Variants in CACNA1E observed in about 807,000 individuals in gnomAD.
CACNA1E encodes calcium voltage-gated channel subunit alpha1 E.
Under a neutral mutation model 259.2 loss-of-function variants are expected in CACNA1E, and 40 were observed. That is an observed-to-expected ratio of 0.15 (90% CI 0.12 to 0.20). CACNA1E has a LOEUF of 0.20. Among genes scored for constraint, CACNA1E ranks in the 10% least tolerant of loss-of-function variants. The pLI is 1.00. For synonymous variants in CACNA1E, 1,104 were observed against 1,138.5 expected (o/e 0.97, Z 0.61); for missense variants, 1,874 against 3,040.1 (o/e 0.62, Z 9.02).
In CACNA1E at chr1:181,712,001, G is replaced by A. The variant is rs148896297; in HGVS notation, c.1171+932G>A. Among the ~76,000 whole-genome samples, 1,027 of 152,278 alleles carry A rather than the reference G, an allele frequency of 6.7e-3. 15 individuals carry two copies. The highest frequency in any genetic ancestry group is 0.023 in the African/African-American group (966 of 41,546). On this transcript the variant is annotated intron_variant, in intron 8 of 47. Coordinates refer to ENST00000367573, the MANE Select transcript of CACNA1E (RefSeq NM_001205293.3). ...TGGAAGCAGAGGGACTAGTAGTGCC[G>A]CCATCTAGGGAGGAGATAATGGTGA...
At chr1:181,502,567 C>T (rs1665345468) in intron 1 of CACNA1E, among the ~76,000 whole-genome samples, 1 of 152,192 alleles carries the variant, frequency 6.6e-6, no homozygotes, top group Non-Finnish European at 1.5e-5. Flanking sequence ...CATTAGAAAG[C>T]CCTCTTGGCT....
At chr1:181,545,299 A>G (rs558410863) in intron 3 of CACNA1E, among the ~76,000 whole-genome samples, 1 of 152,350 alleles carries the variant, frequency 6.6e-6, no homozygotes, top group South Asian at 2.1e-4. Flanking sequence ...TGTTACATAT[A>G]ATACCATGTT....
chr1:181,793,820 C>G lies in CACNA1E; in HGVS notation c.6027+27C>G, dbSNP rs137964585. 4,001 of 1,606,456 alleles carry G rather than the reference C, an allele frequency of 2.5e-3. 12 individuals carry two copies. Among genetic ancestry groups the G allele is most frequent in the Admixed American group, 4.1e-3 (241 of 59,054 alleles). ...TAAAAAGCAACCACCTACATTAATGCAGTGGCATCCGGGCTGTATTAGCTG... is the reference window on the plus strand; with the variant it reads ...TAAAAAGCAACCACCTACATTAATGGAGTGGCATCCGGGCTGTATTAGCTG... On this transcript the variant is annotated intron_variant, in intron 45 of 47. Transcript: ENST00000367573.
intron 6 of CACNA1E, among the ~76,000 whole-genome samples, chr1:181,616,150 A>G (rs936995608): frequency 6.6e-6 from 1 of 152,164 alleles, no homozygotes; most frequent in Non-Finnish European, 1.5e-5. Flanking sequence ...AAACTGGCCT[A>G]TAATTTGCTT....
chr1:181,470,881 G>A (rs1470546013), intron 2 of CACNA1E, among the ~76,000 whole-genome samples: 1 of 152,084 alleles, frequency 6.6e-6, no homozygotes, highest in Non-Finnish European at 1.5e-5. Context: ...TTCTCCTTCA[G>A]CTTGTCTCTT....
intron 1 of CACNA1E, among the ~76,000 whole-genome samples, chr1:181,491,057 T>C (rs1218703933): frequency 6.6e-6 from 1 of 152,220 alleles, no homozygotes. Context: ...TGCCTCTTTC[T>C]CAATTTCCAC....
At chr1:181,376,272 G>A (rs1227654753) in intron 1 of CACNA1E, among the ~76,000 whole-genome samples, 4 of 152,018 alleles carry the variant, frequency 2.6e-5, no homozygotes, top group African/African-American at 9.7e-5. Context: ...CTTTTTTGTT[G>A]TTGTTTGCCT....
intron 3 of CACNA1E, among the ~76,000 whole-genome samples, chr1:181,548,660 A>G (rs982292876): frequency 3.3e-5 from 5 of 152,234 alleles, no homozygotes; most frequent in African/African-American, 1.2e-4. Flanking sequence ...TGGTTTATCT[A>G]CACAGCCCAG....
intron 7 of CACNA1E, among the ~76,000 whole-genome samples, chr1:181,656,734 A>G (rs1425010763): frequency 6.6e-6 from 1 of 152,212 alleles, no homozygotes; most frequent in African/African-American, 2.4e-5. Context: ...AGCTCCATTC[A>G]TGGTAAGTGC....
chr1:181,657,669 G>T (rs1659316468), intron 7 of CACNA1E, among the ~76,000 whole-genome samples: 1 of 152,240 alleles, frequency 6.6e-6, no homozygotes, highest in Non-Finnish European at 1.5e-5. Context: ...GTGGGGGAAG[G>T]ATTGGCATGG....
At chr1:181,602,531 G>A (rs1653844022) in intron 6 of CACNA1E, among the ~76,000 whole-genome samples, 1 of 152,186 alleles carries the variant, frequency 6.6e-6, no homozygotes, top group East Asian at 1.9e-4. Flanking sequence ...TGCTCAACCT[G>A]TATTTAATAA....
intron 1 of CACNA1E, among the ~76,000 whole-genome samples, chr1:181,494,461 G>T (rs528179666): frequency 1.3e-5 from 2 of 151,886 alleles, no homozygotes; most frequent in Non-Finnish European, 2.9e-5. Flanking sequence ...TTTGAATCTA[G>T]ATTCAGGACT....
intron 7 of CACNA1E, among the ~76,000 whole-genome samples, chr1:181,691,087 C>T (rs61653607): frequency 0.011 from 1,641 of 152,042 alleles, 29 homozygotes; most frequent in African/African-American, 0.037. Flanking sequence ...TGTCTCTTCT[C>T]ATTTTATGAA....
chr1:181,517,521 ACT>A (rs1403032360), intron 3 of CACNA1E, among the ~76,000 whole-genome samples: 1 of 151,732 alleles, frequency 6.6e-6, no homozygotes, highest in East Asian at 1.9e-4. Flanking sequence ...CCTGGAATCA[ACT>A]CTGAGGAAAG....
chr1:181,795,137 G>A (rs1661682036), intron 46 of CACNA1E, 93 bp downstream of exon 46: 1 of 1,060,462 alleles, frequency 9.4e-7, no homozygotes, highest in East Asian at 2.5e-5. Context: ...AACCAGAAAA[G>A]AATTCAGAGA....
At chr1:181,703,842 C>G (rs561618602) in intron 7 of CACNA1E, among the ~76,000 whole-genome samples, 11 of 148,786 alleles carry the variant, frequency 7.4e-5, no homozygotes, top group Non-Finnish European at 1.4e-4. Flanking sequence ...TCAGGTTCCC[C>G]TCGCCTGATA....
rs1253463902 is a variant in CACNA1E at position 181,801,482 on chromosome 1, AC to A, written c.*2650del. On this transcript the variant is annotated 3_prime_UTR_variant, in exon 48 of 48. Transcript: ENST00000367573. Reference sequence around the variant, plus strand: ...TATTACCAGTGAATTTCTTTTATTCACCTTCCCTTGACCAAGAAATTGGGTT... The same window carrying A: ...TATTACCAGTGAATTTCTTTTATTCACTTCCCTTGACCAAGAAATTGGGTT... The A allele has an allele frequency of 6.6e-6, 1 of 152,128 alleles. No homozygotes were observed. The highest frequency in any genetic ancestry group is 1.5e-5 in the Non-Finnish European group (1 of 68,024). The allele number at this position is 152,128 out of a possible 1,614,324, so 9.4% of individuals were successfully genotyped here. A position where few individuals can be genotyped will look rare whatever the true frequency, so the allele number is the denominator to read the frequency against.
intron 2 of CACNA1E, among the ~76,000 whole-genome samples, chr1:181,430,348 G>T (rs1659627338): frequency 6.6e-6 from 1 of 152,236 alleles, no homozygotes; most frequent in Non-Finnish European, 1.5e-5. Flanking sequence ...AAAGAGGGTT[G>T]CCTTTTTACA....
At chr1:181,403,635 A>C (rs1018382830) in intron 1 of CACNA1E, among the ~76,000 whole-genome samples, 3 of 152,200 alleles carry the variant, frequency 2.0e-5, no homozygotes, top group Non-Finnish European at 4.4e-5. Context: ...TGTGATCAGA[A>C]CAATTAAATG....
Sources: gnomAD v4.1 joint callset for allele counts (sites outside exome capture counted in the v4.1 genomes callset) on GRCh38, gnomAD v4.1.1 for gene constraint, MANE v1.5 for transcripts, NCBI Gene and HGNC (gene_info 2026-07-23, HGNC 2026-07-21) for gene names.